Variants in NCAM2 observed in about 807,000 individuals in gnomAD.
The protein encoded by NCAM2 is neural cell adhesion molecule 2, also known as N-CAM-2.
A neutral mutation model predicts 98.1 loss-of-function variants in NCAM2; 30 were observed. That is an observed-to-expected ratio of 0.31 (90% CI 0.23 to 0.41). The LOEUF (loss-of-function observed/expected upper bound fraction) is 0.41. Ranked by LOEUF, NCAM2 falls within the 10% of genes least tolerant of loss-of-function variation. The pLI is 1.00. For missense variants in NCAM2, 867 were observed against 1,005.8 expected (o/e 0.86, Z 1.87); for synonymous variants, 368 against 342.4 (o/e 1.07, Z -0.83).
chr21:21,514,939 C>T (rs233803), intron 16 of NCAM2, among the ~76,000 whole-genome samples: 24,553 of 152,010 alleles, frequency 0.16, 2,065 homozygotes, highest in East Asian at 0.22. Context: ...ATAAGTTCTC[C>T]AAGTTTGTTG....
At chr21:21,261,764 G>A (rs1445273599) in intron 1 of NCAM2, among the ~76,000 whole-genome samples, 1 of 152,012 alleles carries the variant, frequency 6.6e-6, no homozygotes, top group Non-Finnish European at 1.5e-5. Flanking sequence ...ATGATAGAAA[G>A]ATCTCAAATT....
intron 1 of NCAM2, among the ~76,000 whole-genome samples, chr21:21,104,767 A>G (rs895000466): frequency 1.3e-5 from 2 of 152,166 alleles, no homozygotes; most frequent in East Asian, 1.9e-4. Flanking sequence ...TCATTGTACC[A>G]GGATTGATTT....
chr21:21,336,275 C>G (rs1308374433), intron 7 of NCAM2, among the ~76,000 whole-genome samples: 2 of 151,838 alleles, frequency 1.3e-5, no homozygotes, highest in African/African-American at 4.8e-5. Flanking sequence ...TAGTGTAACA[C>G]TAAAAAATAT....
intron 12 of NCAM2, among the ~76,000 whole-genome samples, chr21:21,444,148 T>C (rs547862444): frequency 8.5e-5 from 13 of 152,272 alleles, no homozygotes; most frequent in African/African-American, 3.1e-4. Context: ...TTGATTTGTG[T>C]ATGTTGAACC....
chr21:21,004,885 T>C (rs1282671502), intron 1 of NCAM2, among the ~76,000 whole-genome samples: 2 of 152,128 alleles, frequency 1.3e-5, no homozygotes, highest in Non-Finnish European at 2.9e-5. Flanking sequence ...GCCTAGCCTC[T>C]TACCAGGACA....
At chr21:21,433,603 T>C (rs1039547040) in intron 12 of NCAM2, among the ~76,000 whole-genome samples, 2 of 150,088 alleles carry the variant, frequency 1.3e-5, no homozygotes, top group Non-Finnish European at 3.0e-5. Flanking sequence ...ATTAGACGGA[T>C]GTGGTGGCAG....
At chr21:21,129,150 T>G (rs1245091277) in intron 1 of NCAM2, among the ~76,000 whole-genome samples, 1 of 152,166 alleles carries the variant, frequency 6.6e-6, no homozygotes, top group Non-Finnish European at 1.5e-5. Flanking sequence ...ATATTAGTCT[T>G]TATAATGTGA....
chr21:21,069,839 C>A (rs2065521767), intron 1 of NCAM2, among the ~76,000 whole-genome samples: 1 of 152,184 alleles, frequency 6.6e-6, no homozygotes. Context: ...AAGCATTCAA[C>A]TGCAGTGAAA....
At chr21:21,431,093 G>C (rs919938050) in intron 11 of NCAM2, among the ~76,000 whole-genome samples, 10 of 135,134 alleles carry the variant, frequency 7.4e-5, no homozygotes, top group Admixed American at 6.7e-4. Flanking sequence ...ATTTGTGTGG[G>C]GACACAGAGC....
intron 15 of NCAM2, among the ~76,000 whole-genome samples, chr21:21,488,986 T>C (rs1473666359): frequency 2.6e-5 from 4 of 152,006 alleles, no homozygotes; most frequent in Non-Finnish European, 4.4e-5. Flanking sequence ...TTAATTTTTA[T>C]TTATTTATTT....
intron 10 of NCAM2, among the ~76,000 whole-genome samples, chr21:21,411,075 C>CATATATATGTATATATAT (rs1569033289): frequency 4.0e-4 from 2 of 4,962 alleles, no homozygotes; most frequent in Admixed American, 2.5e-3. Flanking sequence ...TATATACACA[C>CATATATATGTATATATAT]ACATATATAT....
chr21:21,173,787 T>A (rs2068195475), intron 1 of NCAM2, among the ~76,000 whole-genome samples: 1 of 152,168 alleles, frequency 6.6e-6, no homozygotes, highest in South Asian at 2.1e-4. Context: ...ATATATGTCA[T>A]TTTTTATCAA....
chr21:21,345,703 A>C (rs968280061), intron 8 of NCAM2, among the ~76,000 whole-genome samples: 1 of 152,106 alleles, frequency 6.6e-6, no homozygotes, highest in African/African-American at 2.4e-5. Context: ...AAGTTTATGC[A>C]AAGGGATAAT....
intron 9 of NCAM2, among the ~76,000 whole-genome samples, chr21:21,388,862 T>G (rs2076323800): frequency 6.6e-6 from 1 of 152,170 alleles, no homozygotes; most frequent in African/African-American, 2.4e-5. Flanking sequence ...TTTTGAACTC[T>G]TAGAACAAAA....
intron 1 of NCAM2, among the ~76,000 whole-genome samples, chr21:21,036,080 C>T (rs761707928): frequency 2.0e-5 from 3 of 152,042 alleles, no homozygotes; most frequent in African/African-American, 4.8e-5. Context: ...CCCTCGATAG[C>T]GCTCCAAAGT....
chr21:21,264,106 A>G (rs1250650002), intron 1 of NCAM2, among the ~76,000 whole-genome samples: 2 of 152,072 alleles, frequency 1.3e-5, no homozygotes, highest in African/African-American at 2.4e-5. Flanking sequence ...CTGACAAAGG[A>G]TTGATACCCA....
intron 1 of NCAM2, among the ~76,000 whole-genome samples, chr21:21,175,603 T>A (rs2068260888): frequency 6.6e-6 from 1 of 152,180 alleles, no homozygotes; most frequent in Non-Finnish European, 1.5e-5. Flanking sequence ...GTGGATTAAT[T>A]TAAGGTTTGC....
intron 5 of NCAM2, among the ~76,000 whole-genome samples, chr21:21,297,718 T>C (rs538002687): frequency 6.2e-5 from 8 of 128,842 alleles, no homozygotes; most frequent in African/African-American, 2.2e-4. Context: ...AGTTAAATAA[T>C]ACACACTGTA....
At chr21:21,025,354 G>C (rs2146201605) in intron 1 of NCAM2, among the ~76,000 whole-genome samples, 2 of 152,186 alleles carry the variant, frequency 1.3e-5, no homozygotes, top group South Asian at 4.2e-4. Flanking sequence ...CAAAGTCCTG[G>C]GATTACAGGC....
Sources: allele counts gnomAD v4.1 joint callset (sites outside exome capture counted in the v4.1 genomes callset), GRCh38; gene constraint gnomAD v4.1.1; transcripts MANE v1.5; gene names NCBI Gene and HGNC (gene_info 2026-07-23, HGNC 2026-07-21).